Variants in SLC41A2 observed in about 807,000 individuals in gnomAD.
SLC41A2 encodes solute carrier family 41 member 2, also known as SLC41A1-like 1.
SLC41A2 carries 32 observed loss-of-function variants against 58.3 expected under a neutral mutation model. The ratio of observed to expected loss-of-function variants is 0.55; its 90% confidence interval spans 0.41 to 0.74. The LOEUF (loss-of-function observed/expected upper bound fraction) is 0.74. SLC41A2 is among the 30% of genes least tolerant of loss of function. The pLI is 0.00. For missense variants in SLC41A2, 514 were observed against 680.6 expected, an observed-to-expected ratio of 0.76 and a Z score of 2.72; for synonymous variants, 190 against 235.0, an observed-to-expected ratio of 0.81 and a Z score of 1.75.
At chr12:104,835,977 T>G (rs2042195661) in intron 10 of SLC41A2, among the ~76,000 whole-genome samples, 1 of 152,152 alleles carries the variant, frequency 6.6e-6, no homozygotes, top group Non-Finnish European at 1.5e-5. Context: ...CCACAGTAGC[T>G]GAGATTACAG....
chr12:104,943,089 T>C (rs2047573245), intron 1 of SLC41A2, among the ~76,000 whole-genome samples: 1 of 152,102 alleles, frequency 6.6e-6, no homozygotes, highest in African/African-American at 2.4e-5. Context: ...ATAATTAAAC[T>C]GAAAGTTAAA....
rs2040726314 is a variant in SLC41A2 at position 104,802,083 on chromosome 12, C to T, written c.*3069G>A. 6.6e-6 allele frequency among the ~76,000 whole-genome samples: 1 copy of T among 152,214 alleles called. No individual in the cohort carries two copies. The highest frequency in any genetic ancestry group is 2.1e-4 in the South Asian group (1 of 4,824). On this transcript the variant is annotated 3_prime_UTR_variant, in exon 11 of 11. Transcript: ENST00000258538. ...TTGAATGGCCTTTATTTGGCTATATCATTGATAGTCTATGGTGTGGAATTT... is the reference window on the plus strand; with the variant it reads ...TTGAATGGCCTTTATTTGGCTATATTATTGATAGTCTATGGTGTGGAATTT...
chr12:104,815,800 T>C (rs1359770268), intron 10 of SLC41A2, among the ~76,000 whole-genome samples: 1 of 152,180 alleles, frequency 6.6e-6, no homozygotes, highest in East Asian at 1.9e-4. Context: ...AATATTTAAA[T>C]GTCTGCTAAG....
intron 1 of SLC41A2, among the ~76,000 whole-genome samples, chr12:104,940,884 C>T (rs1265980160): frequency 1.4e-5 from 2 of 147,556 alleles, no homozygotes; most frequent in South Asian, 2.1e-4. Context: ...ATGGTGATCC[C>T]GACCTCAGGT....
chr12:104,826,498 C>T (rs1279389750), intron 10 of SLC41A2, among the ~76,000 whole-genome samples: 2 of 152,122 alleles, frequency 1.3e-5, no homozygotes, highest in African/African-American at 4.8e-5. Context: ...AGACATGAGT[C>T]CCAGAGGCAC....
At chr12:104,884,699 G>A (rs1593069399) in intron 6 of SLC41A2, among the ~76,000 whole-genome samples, 1 of 152,058 alleles carries the variant, frequency 6.6e-6, no homozygotes, top group East Asian at 1.9e-4. Context: ...CTAGGGAAAG[G>A]GGCACTAACT....
At position 104,881,220 on chromosome 12, in the gene SLC41A2, G is replaced by A. The variant is rs374452797; in HGVS notation, c.1027+5073C>T. ...TTCTTCTCTCTTTTCTTCTTTATTA[G>A]TCTTGCTAGCGGTCTATCAATTTTG... On this transcript the variant is annotated intron_variant, in intron 6 of 10. Coordinates refer to ENST00000258538, the MANE Select transcript of SLC41A2 (RefSeq NM_001352171.3). Among the ~76,000 whole-genome samples, 8 of 151,946 alleles carry A rather than the reference G, an allele frequency of 5.3e-5. No individual in the cohort carries two copies. In the East Asian group the frequency reaches 1.5e-3, roughly 29 times the overall value.
At chr12:104,943,467 G>T (rs1414752848) in intron 1 of SLC41A2, among the ~76,000 whole-genome samples, 1 of 152,122 alleles carries the variant, frequency 6.6e-6, no homozygotes, top group Non-Finnish European at 1.5e-5. Context: ...GTTTCTTCCA[G>T]AATCGAAGCT....
chr12:104,923,562 C>T (rs1241184890), intron 2 of SLC41A2, among the ~76,000 whole-genome samples: 1 of 151,292 alleles, frequency 6.6e-6, no homozygotes, highest in African/African-American at 2.4e-5. Context: ...AAGATAAAAT[C>T]AACAAACTTT....
chr12:104,955,490 T>C (rs2048127948), intron 1 of SLC41A2, among the ~76,000 whole-genome samples: 1 of 152,198 alleles, frequency 6.6e-6, no homozygotes, highest in South Asian at 2.1e-4. Context: ...CTCTCAGTAC[T>C]TTTCTGTCCA....
intron 10 of SLC41A2, among the ~76,000 whole-genome samples, chr12:104,837,693 G>A (rs1276484977): frequency 3.3e-5 from 5 of 152,004 alleles, no homozygotes; most frequent in Non-Finnish European, 7.4e-5. Context: ...AGATGAAAAG[G>A]GGCTCAGGGT....
chr12:104,890,157 C>T (rs4393404), intron 4 of SLC41A2, among the ~76,000 whole-genome samples: 107,837 of 151,980 alleles, frequency 0.71, 38,878 homozygotes, highest in African/African-American at 0.84. Context: ...AGCCAATCCA[C>T]GTGCTGGAAT....
rs575328541 is a variant in SLC41A2 at position 104,837,568 on chromosome 12, G to C, written c.1536+6904C>G. On this transcript the variant is annotated intron_variant, in intron 10 of 10. Transcript: ENST00000258538. ...ACAGGAGTCCAGACTGGAGATATCA[G>C]TCTGGAAGTAAGCAATGAAAGCGTG... 3.1e-3 allele frequency among the ~76,000 whole-genome samples: 468 copies of C among 152,262 alleles called. 1 individual carries two copies. Among genetic ancestry groups the C allele is most frequent in the Admixed American group, 5.0e-3 (77 of 15,296 alleles).
At chr12:104,843,117 G>C (rs2042474004) in intron 10 of SLC41A2, among the ~76,000 whole-genome samples, 1 of 152,010 alleles carries the variant, frequency 6.6e-6, no homozygotes, top group Non-Finnish European at 1.5e-5. Context: ...TACTCCCCAG[G>C]TAGAGGTACT....
chr12:104,932,637 A>G (rs2047105154), intron 1 of SLC41A2, among the ~76,000 whole-genome samples: 1 of 151,076 alleles, frequency 6.6e-6, no homozygotes, highest in Admixed American at 6.6e-5. Context: ...AAAAAAAAAA[A>G]AAAAAAAAAG....
In SLC41A2 at chr12:104,820,995, C is replaced by A. The variant is rs201982285; in HGVS notation, c.1537-15658G>T. Among the ~76,000 whole-genome samples, 41 of 152,116 alleles carry A rather than the reference C, an allele frequency of 2.7e-4. 1 individual carries two copies. In the East Asian group the frequency reaches 7.7e-3, roughly 29 times the overall value. On this transcript the variant is annotated intron_variant, in intron 10 of 10. Coordinates refer to ENST00000258538, the MANE Select transcript of SLC41A2 (RefSeq NM_001352171.3). ...CTTGACTTTTTATTTAGTTCTAATG[C>A]GAAAAGACAAAAAGTCGTGAGTATA...
intron 6 of SLC41A2, among the ~76,000 whole-genome samples, chr12:104,884,647 T>G (rs2044565898): frequency 6.6e-6 from 1 of 152,166 alleles, no homozygotes; most frequent in Admixed American, 6.5e-5. Flanking sequence ...CTTCTCTCTT[T>G]CCTCCTCCTC....
chr12:104,884,104 T>C (rs534659943), intron 6 of SLC41A2, among the ~76,000 whole-genome samples: 1 of 152,296 alleles, frequency 6.6e-6, no homozygotes, highest in African/African-American at 2.4e-5. Context: ...CAGACTGCTG[T>C]GCTAGCAGTG....
intron 10 of SLC41A2, among the ~76,000 whole-genome samples, chr12:104,841,030 A>G (rs982705296): frequency 6.6e-6 from 1 of 152,144 alleles, no homozygotes; most frequent in Non-Finnish European, 1.5e-5. Context: ...ATTAAGGAAA[A>G]CTTCAAACAT....
Sources: allele counts gnomAD v4.1 joint callset (sites outside exome capture counted in the v4.1 genomes callset), GRCh38; gene constraint gnomAD v4.1.1; transcripts MANE v1.5; gene names NCBI Gene and HGNC (gene_info 2026-07-23, HGNC 2026-07-21).